Variants in ROBO2 observed in about 807,000 individuals in gnomAD.
The protein encoded by ROBO2 is roundabout homolog 2.
Under a neutral mutation model 160.8 loss-of-function variants are expected in ROBO2, and 53 were observed. The ratio of observed to expected loss-of-function variants is 0.33; its 90% CI spans 0.26 to 0.41. ROBO2 has a LOEUF of 0.41. ROBO2 is among the 10% of genes least tolerant of loss of function. The pLI, the probability that ROBO2 is intolerant of heterozygous loss-of-function variation, is 1.00. For missense variants in ROBO2, 1,577 were observed against 1,722.4 expected (o/e 0.92, Z 1.49); for synonymous variants, 664 against 611.7 (o/e 1.09, Z -1.26).
intron 2 of ROBO2, among the ~76,000 whole-genome samples, chr3:76,449,294 T>C (rs2109246617): frequency 6.6e-6 from 1 of 152,236 alleles, no homozygotes; most frequent in East Asian, 1.9e-4. Context: ...TAAATTGAAA[T>C]TTTTTTCTCT....
In ROBO2 at chr3:77,496,893, A is replaced by G. The variant is rs541325808; in HGVS notation, c.806+3511A>G. ...AAAATATTTTTTAAGTAGTACTGAT[A>G]TGCCTCTTTCTTTTATTTAGTCTTA... On this transcript the variant is annotated intron_variant, in intron 5 of 25. Coordinates refer to ENST00000461745, the Ensembl canonical transcript of ROBO2. 3.7e-4 allele frequency among the ~76,000 whole-genome samples: 56 copies of G among 152,200 alleles called. No individual in the cohort carries two copies. The South Asian group carries it at 6.6e-3, about 18-fold the overall frequency.
chr3:77,568,203 T>C (rs2093543060), intron 12 of ROBO2, 110 bp from the exon 14 acceptor site: 1 of 1,307,592 alleles, frequency 7.6e-7, no homozygotes, highest in Admixed American at 2.0e-5. Flanking sequence ...GAGTTTTCGT[T>C]TTGTTTCCCT....
chr3:76,226,753 T>C (rs912749701), intron 2 of ROBO2, among the ~76,000 whole-genome samples: 3 of 152,196 alleles, frequency 2.0e-5, no homozygotes, highest in African/African-American at 7.2e-5. Flanking sequence ...AACAAACCAC[T>C]TGCCCTAGGC....
At chr3:76,228,848 A>T (rs1704449937) in intron 2 of ROBO2, among the ~76,000 whole-genome samples, 1 of 152,184 alleles carries the variant, frequency 6.6e-6, no homozygotes, top group African/African-American at 2.4e-5. Context: ...GTTATTTCAA[A>T]ATATCCTTAA....
chr3:76,490,376 T>C (rs1028490395), intron 2 of ROBO2, among the ~76,000 whole-genome samples: 3 of 152,214 alleles, frequency 2.0e-5, no homozygotes, highest in Admixed American at 6.5e-5. Context: ...TCCTTTTGGG[T>C]CAATGGAACC....
chr3:77,499,252 G>A lies in ROBO2; in HGVS notation c.806+5870G>A, dbSNP rs555262794. On this transcript the variant is annotated intron_variant, in intron 5 of 25. Transcript: ENST00000461745. ...TGACAAATTTCTCTACTGCAAACTA[G>A]GAATGTGATCTTGAAGAAGCTATTT... Among the ~76,000 whole-genome samples the A allele has an allele frequency of 3.1e-4, 47 of 152,300 alleles. No homozygotes were observed. The South Asian group carries it at 9.5e-3, about 31-fold the overall frequency.
intron 2 of ROBO2, among the ~76,000 whole-genome samples, chr3:76,554,870 GA>G (rs533035219): frequency 2.6e-5 from 4 of 151,788 alleles, no homozygotes; most frequent in Non-Finnish European, 2.9e-5. Context: ...GAGAATCAGG[GA>G]AAAAAATCAC....
intron 2 of ROBO2, among the ~76,000 whole-genome samples, chr3:77,221,855 T>C (rs958267493): frequency 0.011 from 1,405 of 127,034 alleles, 15 homozygotes; most frequent in Non-Finnish European, 0.015. Context: ...TTTCTTTTTC[T>C]TTTTTTTTTT....
At chr3:77,594,356 A>G (rs756907569) in intron 17 of ROBO2, among the ~76,000 whole-genome samples, 1 of 152,148 alleles carries the variant, frequency 6.6e-6, no homozygotes, top group Non-Finnish European at 1.5e-5. Flanking sequence ...TGATAATAAC[A>G]TTCTTTGGCC....
chr3:77,636,589 C>T (rs2153718330), intron 24 of ROBO2, among the ~76,000 whole-genome samples: 1 of 149,930 alleles, frequency 6.7e-6, no homozygotes, highest in African/African-American at 2.5e-5. Context: ...AAGACTCCTT[C>T]TTAAAAAAAA....
intron 2 of ROBO2, among the ~76,000 whole-genome samples, chr3:77,286,413 T>G (rs1029246240): frequency 3.7e-4 from 50 of 136,686 alleles, no homozygotes; most frequent in South Asian, 2.7e-3. Context: ...CATGCCACCA[T>G]GCCCAGCTAA....
intron 2 of ROBO2, among the ~76,000 whole-genome samples, chr3:76,429,402 C>T (rs2076348921): frequency 6.6e-6 from 1 of 152,118 alleles, no homozygotes; most frequent in Non-Finnish European, 1.5e-5. Flanking sequence ...TTTTAAAGCA[C>T]TTAGAACAAT....
chr3:77,110,538 G>A (rs1415517990), intron 2 of ROBO2, among the ~76,000 whole-genome samples: 1 of 151,056 alleles, frequency 6.6e-6, no homozygotes, highest in Non-Finnish European at 1.5e-5. Flanking sequence ...AATATCCACA[G>A]GCAAAAATAT....
In ROBO2 at chr3:76,597,790, T is replaced by C. The variant is rs188111900; in HGVS notation, c.110-500224T>C. Among the ~76,000 whole-genome samples the C allele has an allele frequency of 5.1e-3, 770 of 152,068 alleles. 2 individuals carry two copies. Among genetic ancestry groups the C allele is most frequent in the Middle Eastern group, 0.017 (5 of 290 alleles). On this transcript the variant is annotated intron_variant, in intron 2 of 26. Coordinates refer to the ROBO2 transcript ENST00000487694. ...GCTCCCACTTATAAGTGAGAACATA[T>C]GGTATTTGGTTTTCACTTCCTGCAT... is the stretch of plus-strand genomic sequence containing the variant.
In ROBO2 at chr3:76,596,768, C is replaced by T. The variant is rs187805494; in HGVS notation, c.110-501246C>T. ...AAGAGATACAGTCTGCTAACCCATT[C>T]ACCCTGATGGCCCATTAAAGGTGGT... On this transcript the variant is annotated intron_variant, in intron 2 of 26. Coordinates refer to the ROBO2 transcript ENST00000487694. 2.0e-5 allele frequency among the ~76,000 whole-genome samples: 3 copies of T among 152,220 alleles called. No homozygotes were observed. In the East Asian group the frequency reaches 5.8e-4, roughly 29 times the overall value.
chr3:76,995,403 A>G (rs7647366), intron 2 of ROBO2, among the ~76,000 whole-genome samples: 44,529 of 152,008 alleles, frequency 0.29, 7,085 homozygotes, highest in East Asian at 0.65. Context: ...TAGTGCTGCA[A>G]TAAACATACG....
intron 2 of ROBO2, among the ~76,000 whole-genome samples, chr3:76,199,704 T>C (rs1365506975): frequency 6.6e-6 from 1 of 152,152 alleles, no homozygotes; most frequent in African/African-American, 2.4e-5. Flanking sequence ...TGTCAATAAC[T>C]GTCAACTTCT....
At chr3:76,933,329 G>T (rs2077475500) in intron 2 of ROBO2, among the ~76,000 whole-genome samples, 1 of 152,092 alleles carries the variant, frequency 6.6e-6, no homozygotes, top group African/African-American at 2.4e-5. Flanking sequence ...TCCTCTAAGT[G>T]AACTATATCT....
chr3:77,161,318 A>G (rs542990847), intron 2 of ROBO2, among the ~76,000 whole-genome samples: 5 of 152,210 alleles, frequency 3.3e-5, no homozygotes, highest in East Asian at 1.9e-4. Flanking sequence ...TTGCATATGA[A>G]GCAATATGGG....
Sources: allele counts gnomAD v4.1 joint callset (sites outside exome capture counted in the v4.1 genomes callset), GRCh38; gene constraint gnomAD v4.1.1; transcripts MANE v1.5; gene names NCBI Gene and HGNC (gene_info 2026-07-23, HGNC 2026-07-21).